Variants in EVI5L observed in about 807,000 individuals in gnomAD.
EVI5L encodes the protein ecotropic viral integration site 5 like.
A neutral mutation model predicts 106.1 loss-of-function variants in EVI5L; 30 were observed. That is an observed-to-expected ratio of 0.28 (90% CI 0.21 to 0.38). EVI5L has a LOEUF of 0.38. EVI5L is among the 10% of genes least tolerant of loss of function. EVI5L has a pLI of 1.00. For synonymous variants in EVI5L, 489 were observed against 483.3 expected (o/e 1.01, Z -0.15); for missense variants, 809 against 1,098.0 (o/e 0.74, Z 3.72).
Position 7,856,153 on chromosome 19 carries a change from T to C in EVI5L, c.1200+85T>C. ...GCATGGCCGCTAACCTGGGGTGGAC[T>C]CCTCCAAGTCTTCTCCTCTCTGGAG... is the stretch of plus-strand genomic sequence containing the variant. On this transcript the variant is annotated intron_variant, in intron 11 of 19. Coordinates refer to ENST00000538904, the MANE Select transcript of EVI5L (RefSeq NM_001159944.3). This position sits in a 1 kb window ranked among gnomAD's most constrained non-coding sequence, Gnocchi z 6.6. 8.1e-7 allele frequency: 1 copy of C among 1,228,468 alleles called. No individual in the cohort carries two copies. Among genetic ancestry groups the C allele is most frequent in the Non-Finnish European group, 1.1e-6 (1 of 948,232 alleles). 76.1% of individuals were successfully genotyped at this position (1,228,468 alleles called of 1,614,324 possible). A position where few individuals can be genotyped will look rare whatever the true frequency, so the allele number is the denominator to read the frequency against.
rs1980036139 is a variant in EVI5L, at chr19:7,864,687, C to T, written c.*985C>T. 1 of 152,320 alleles carries T rather than the reference C, an allele frequency of 6.6e-6. No individual in the cohort carries two copies. Among genetic ancestry groups the T allele is most frequent in the Non-Finnish European group, 1.5e-5 (1 of 68,052 alleles). The allele number at this position is 152,320 out of a possible 1,614,324, so 9.4% of individuals were successfully genotyped here. On this transcript the variant is annotated 3_prime_UTR_variant, in exon 20 of 20. Transcript: ENST00000538904. This position sits in a 1 kb window ranked among gnomAD's most constrained non-coding sequence, Gnocchi z 4.5. Reference sequence around the variant, plus strand: ...CCCCCCAGGCCCCTTCCTCCCTTCCCCCGGCCCCCCGGGCCTCATGACCCT... The same window carrying T: ...CCCCCCAGGCCCCTTCCTCCCTTCCTCCGGCCCCCCGGGCCTCATGACCCT...
Position 7,863,930 on chromosome 19 carries a change from C to A in EVI5L, c.*228C>A. 1 of 558,910 alleles carries A rather than the reference C, an allele frequency of 1.8e-6. No homozygotes were observed. The highest frequency in any genetic ancestry group is 2.9e-6 in the Non-Finnish European group (1 of 339,606). 34.6% of individuals were successfully genotyped at this position (558,910 alleles called of 1,614,324 possible). ...CCCAGCAGTGTTTACCCATCTTGGT[C>A]TGTACCCCTCCGGGCCCTCTGGCGT... is the stretch of plus-strand genomic sequence containing the variant. On this transcript the variant is annotated 3_prime_UTR_variant, in exon 20 of 20. Coordinates refer to ENST00000538904, the MANE Select transcript of EVI5L (RefSeq NM_001159944.3). The surrounding 1 kb of genome is among the most constrained non-coding windows in gnomAD (Gnocchi z 7.7).
Position 7,857,058 on chromosome 19 carries a change from C to A in EVI5L, c.1201-34C>A. ...CCCCGCGCCTTCCGCTCTGCCTCCTCCCCCTGTCGCTGGGAACCCCCTTCG... is the reference window on the plus strand; with the variant it reads ...CCCCGCGCCTTCCGCTCTGCCTCCTACCCCTGTCGCTGGGAACCCCCTTCG... On this transcript the variant is annotated intron_variant, in intron 11 of 19. Coordinates refer to ENST00000538904, the MANE Select transcript of EVI5L (RefSeq NM_001159944.3). This position sits in a 1 kb window ranked among gnomAD's most constrained non-coding sequence, Gnocchi z 4.5. 6.4e-7 allele frequency: 1 copy of A among 1,551,726 alleles called. No individual in the cohort carries two copies. The highest frequency in any genetic ancestry group is 1.2e-5 in the South Asian group (1 of 84,068).
intron 1 of EVI5L, among the ~76,000 whole-genome samples, chr19:7,840,335 A>T (rs8100820): frequency 0.25 from 38,250 of 152,138 alleles, 5,082 homozygotes; most frequent in South Asian, 0.35. Flanking sequence ...AAAATTAGCC[A>T]GGCATGGCGG....
chr19:7,851,913 T>C, intron 8 of EVI5L, 143 bp downstream of exon 8: 3 of 725,364 alleles, frequency 4.1e-6, no homozygotes, highest in Non-Finnish European at 6.1e-6. Flanking sequence ...TCCCATCCAC[T>C]CTGTTCCCCT....
At chr19:7,833,990 C>T in intron 1 of EVI5L, among the ~76,000 whole-genome samples, 1 of 152,214 alleles carries the variant, frequency 6.6e-6, no homozygotes, top group East Asian at 1.9e-4. Flanking sequence ...GCCTCATTGG[C>T]ATGACTCACC....
intron 1 of EVI5L, among the ~76,000 whole-genome samples, chr19:7,834,321 C>A (rs1599557975): frequency 6.6e-6 from 1 of 152,150 alleles, no homozygotes; most frequent in South Asian, 2.1e-4. Flanking sequence ...GAGACTCCAT[C>A]TCAAAGAAAT....
At position 7,860,654 on chromosome 19, in the gene EVI5L, C is replaced by T; in HGVS notation, c.1468C>T (p.Arg490Trp). The T allele has an allele frequency of 6.3e-7, 1 of 1,593,230 alleles. No homozygotes were observed. The stretch of plus-strand genomic sequence containing the variant: ...GGAGACGGAGACACTGGGGGCCCTT[C>T]GGGAGATGCAGGACAAGGTTCTCGA... The part of the protein sequence containing the change: ...LRETETLGAL[R>W]EMQDKVLDME... The change falls in exon 14 of 20, where the codon CGG (arginine) becomes TGG (tryptophan). Residue 490 changes from arginine (R) to tryptophan (W), a missense_variant. Arg to Trp is a moderately radical substitution (Grantham distance 101). Coordinates refer to ENST00000538904, the MANE Select transcript of EVI5L (RefSeq NM_001159944.3).
Position 7,857,073 on chromosome 19 carries a change from A to T in EVI5L, c.1201-19A>T, listed in dbSNP as rs1979564168. ...TCTGCCTCCTCCCCCTGTCGCTGGG[A>T]ACCCCCTTCGCCGGGTAGGAGAGCG... On this transcript the variant is annotated intron_variant, in intron 11 of 19. Transcript: ENST00000538904. The surrounding 1 kb of genome is among the most constrained non-coding windows in gnomAD (Gnocchi z 4.5). The T allele has an allele frequency of 3.2e-6, 5 of 1,551,614 alleles. No individual in the cohort carries two copies. The highest frequency in any genetic ancestry group is 2.0e-5 in the Admixed American group (1 of 50,990).
intron 16 of EVI5L, 35 bp from the exon 17 acceptor site, chr19:7,862,353 C>A: frequency 6.3e-7 from 1 of 1,581,232 alleles, no homozygotes. Context: ...CCCTGACCGC[C>A]GCCGTCCTCC....
Position 7,847,912 on chromosome 19 carries a change from G to A in EVI5L, c.318G>A (p.Lys106=). 2 of 1,550,192 alleles carry A rather than the reference G, an allele frequency of 1.3e-6. No homozygotes were observed. Among genetic ancestry groups the A allele is most frequent in the Non-Finnish European group, 8.7e-7 (1 of 1,145,824 alleles). The change falls in exon 3 of 20, where the codon AAG becomes AAA. Residue 106 remains lysine, a synonymous_variant. Transcript: ENST00000538904. ...EWEEWRRRKE[K]LLKELIRKGI... ...AGGAGTGGCGGCGCAGGAAGGAGAAGCTGCTCAAGGTGGGGGGCGGCCAGG... is the reference window on the plus strand; with the variant it reads ...AGGAGTGGCGGCGCAGGAAGGAGAAACTGCTCAAGGTGGGGGGCGGCCAGG...
chr19:7,858,200 A>T lies in EVI5L; in HGVS notation c.1243A>T (p.Thr415Ser). ...TCCTCGCTGTTCTCAGGGGCAAGTGACACGGGCGCAGGAGGCGGAGGAGAA... is the reference window on the plus strand; with the variant it reads ...TCCTCGCTGTTCTCAGGGGCAAGTGTCACGGGCGCAGGAGGCGGAGGAGAA... ...LADRLIQGQV[T>S]RAQEAEENYV... Residue 415 changes from threonine (T) to serine (S), a missense_variant, in exon 13 of 20, where the codon ACA (threonine) becomes TCA (serine). Coordinates refer to ENST00000538904, the MANE Select transcript of EVI5L (RefSeq NM_001159944.3). This position sits in a 1 kb window ranked among gnomAD's most constrained non-coding sequence, Gnocchi z 5.7. 6.4e-7 allele frequency: 1 copy of T among 1,563,086 alleles called. No homozygotes were observed. Among genetic ancestry groups the T allele is most frequent in the South Asian group, 1.2e-5 (1 of 84,902 alleles).
At chr19:7,833,424 G>A (rs1978303160) in intron 1 of EVI5L, among the ~76,000 whole-genome samples, 1 of 152,258 alleles carries the variant, frequency 6.6e-6, no homozygotes, top group African/African-American at 2.4e-5. Context: ...AACCAGGATT[G>A]CAGCACGCGC....
intron 10 of EVI5L, 87 bp downstream of exon 10, chr19:7,853,420 C>T: frequency 6.6e-7 from 1 of 1,520,306 alleles, no homozygotes. Flanking sequence ...CGCTAGGGGG[C>T]GGGCCTTCCC....
intron 1 of EVI5L, among the ~76,000 whole-genome samples, chr19:7,838,890 G>A (rs1048115098): frequency 6.6e-6 from 1 of 152,014 alleles, no homozygotes; most frequent in Non-Finnish European, 1.5e-5. Flanking sequence ...TTGAGGAGCC[G>A]AGGCGGGAAG....
At chr19:7,855,076 G>C (rs887065991) in intron 10 of EVI5L, among the ~76,000 whole-genome samples, 10 of 151,644 alleles carry the variant, frequency 6.6e-5, no homozygotes, top group African/African-American at 2.4e-4. Context: ...CTGCTCCCCA[G>C]AGTGTCCTGG....
At chr19:7,844,380 C>A (rs1294462779) in intron 1 of EVI5L, among the ~76,000 whole-genome samples, 1 of 151,812 alleles carries the variant, frequency 6.6e-6, no homozygotes, top group Non-Finnish European at 1.5e-5. Flanking sequence ...GAGGCTCGGG[C>A]AGAGATTGGG....
At position 7,863,110 on chromosome 19, in the gene EVI5L, G is replaced by A; in HGVS notation, c.2043+43G>A. 1.3e-6 allele frequency: 2 copies of A among 1,523,530 alleles called. No individual in the cohort carries two copies. The highest frequency in any genetic ancestry group is 1.8e-6 in the Non-Finnish European group (2 of 1,136,820). 94.4% of individuals were successfully genotyped at this position (1,523,530 alleles called of 1,614,324 possible). A position where few individuals can be genotyped will look rare whatever the true frequency, so the allele number is the denominator to read the frequency against. On this transcript the variant is annotated intron_variant, in intron 18 of 19. Transcript: ENST00000538904. The surrounding 1 kb of genome is among the most constrained non-coding windows in gnomAD (Gnocchi z 7.7). ...GGTCGGGGGGCGGGGGCGGGGGCAG[G>A]GCCCGGGGCAGGAGCGGGGCCGGAC...
At position 7,862,519 on chromosome 19, in the gene EVI5L, C is replaced by G. The variant is rs1200731507; in HGVS notation, c.1932C>G (p.Ala644=). The change falls in exon 17 of 20, where the codon GCC becomes GCG. Residue 644 remains alanine, a synonymous_variant. Coordinates refer to ENST00000538904, the MANE Select transcript of EVI5L (RefSeq NM_001159944.3). ...TQLSESRRKQ[A]EAECKSKEEV... is the part of the protein sequence containing the mutation. ...TCAGCGAAAGCCGCCGCAAGCAGGC[C>G]GAGGCCGAGTGCAAGGTGCAGACCC... The G allele has an allele frequency of 5.2e-6, 8 of 1,545,328 alleles. No individual in the cohort carries two copies. The highest frequency in any genetic ancestry group is 2.8e-5 in the African/African-American group (2 of 72,654).
Sources: allele counts gnomAD v4.1 joint callset (sites outside exome capture counted in the v4.1 genomes callset), GRCh38; gene constraint gnomAD v4.1.1; non-coding constraint Gnocchi (gnomAD v3.1); transcripts MANE v1.5; gene names NCBI Gene and HGNC (gene_info 2026-07-23, HGNC 2026-07-21).